SNX29: variants seen among roughly 807,000 people sequenced by gnomAD.
SNX29 encodes sorting nexin-29.
Under a neutral mutation model 102.1 loss-of-function variants are expected in SNX29, and 78 were observed. That is an observed-to-expected ratio of 0.76 (90% CI 0.64 to 0.92). The LOEUF is 0.92. SNX29 is among the 40% of genes least tolerant of loss of function. SNX29 has a pLI of 0.00. For synonymous variants in SNX29, 580 were observed against 414.5 expected, an observed-to-expected ratio of 1.40 and a Z score of -4.85; for missense variants, 1,280 against 1,061.7, an observed-to-expected ratio of 1.21 and a Z score of -2.86.
At chr16:12,140,924 T>C (rs1377039142) in intron 13 of SNX29, among the ~76,000 whole-genome samples, 1 of 152,166 alleles carries the variant, frequency 6.6e-6, no homozygotes, top group Non-Finnish European at 1.5e-5. Flanking sequence ...AACCTACTTA[T>C]ACAAGTAATT....
intron 18 of SNX29, among the ~76,000 whole-genome samples, chr16:12,432,276 A>G (rs1036066228): frequency 6.6e-6 from 1 of 152,212 alleles, no homozygotes; most frequent in Non-Finnish European, 1.5e-5. Context: ...GGCTGTTTGT[A>G]TATCTTGTAT....
intron 20 of SNX29, among the ~76,000 whole-genome samples, chr16:12,537,796 C>T (rs143824658): frequency 1.1e-4 from 16 of 152,108 alleles, no homozygotes; most frequent in East Asian, 1.9e-4. Context: ...AAAATATCTC[C>T]TATATCAGAG....
intron 19 of SNX29, among the ~76,000 whole-genome samples, chr16:12,509,862 C>T (rs1054195542): frequency 7.2e-5 from 11 of 152,242 alleles, no homozygotes; most frequent in Non-Finnish European, 1.3e-4. Flanking sequence ...CTCTAAAGCC[C>T]TGTATTTATT....
At chr16:12,265,071 C>G (rs778939047) in intron 14 of SNX29, among the ~76,000 whole-genome samples, 1 of 152,176 alleles carries the variant, frequency 6.6e-6, no homozygotes, top group Non-Finnish European at 1.5e-5. Flanking sequence ...TTGGGGTGAT[C>G]CATGATACCC....
chr16:12,355,606 A>T (rs1358484103), intron 15 of SNX29, among the ~76,000 whole-genome samples: 1 of 152,100 alleles, frequency 6.6e-6, no homozygotes, highest in Non-Finnish European at 1.5e-5. Flanking sequence ...GGCTTAAGTA[A>T]ATTATAGTTG....
chr16:12,201,918 C>T (rs1229339548), intron 14 of SNX29, among the ~76,000 whole-genome samples: 1 of 152,076 alleles, frequency 6.6e-6, no homozygotes, highest in East Asian at 1.9e-4. Flanking sequence ...TTCCATATGC[C>T]CATTCTCCCC....
chr16:12,202,395 C>T (rs756733622), intron 14 of SNX29, among the ~76,000 whole-genome samples: 67 of 152,294 alleles, frequency 4.4e-4, no homozygotes, highest in Non-Finnish European at 8.8e-4. Context: ...ATTTGCCTCT[C>T]AAGTGCTGTT....
intron 19 of SNX29, among the ~76,000 whole-genome samples, chr16:12,485,590 A>G (rs766436491): frequency 6.6e-5 from 10 of 152,210 alleles, no homozygotes; most frequent in Admixed American, 2.0e-4. Flanking sequence ...TTGGAAACAC[A>G]GCCCTCGAGA....
intron 14 of SNX29, among the ~76,000 whole-genome samples, chr16:12,253,374 G>A (rs942227417): frequency 6.6e-6 from 1 of 152,220 alleles, no homozygotes; most frequent in African/African-American, 2.4e-5. Context: ...TCTAGTTAGG[G>A]GGAGACAGAA....
chr16:12,292,648 G>A (rs988734771), intron 15 of SNX29, among the ~76,000 whole-genome samples: 11 of 152,202 alleles, frequency 7.2e-5, no homozygotes, highest in Non-Finnish European at 1.5e-5. Context: ...TAGCAGTTTG[G>A]CTTGGAAGAC....
At chr16:12,021,953 A>G (rs1483020625) in intron 3 of SNX29, among the ~76,000 whole-genome samples, 1 of 151,896 alleles carries the variant, frequency 6.6e-6, no homozygotes, top group Admixed American at 6.6e-5. Context: ...CTTCACAGAA[A>G]ACTAGTTGAG....
At chr16:12,184,326 T>C (rs1409655083) in intron 13 of SNX29, among the ~76,000 whole-genome samples, 2 of 152,226 alleles carry the variant, frequency 1.3e-5, no homozygotes, top group African/African-American at 4.8e-5. Flanking sequence ...CAGCTGGATG[T>C]CATCAGATGG....
chr16:12,401,530 A>AT (rs1351304388), intron 17 of SNX29, among the ~76,000 whole-genome samples: 10 of 151,180 alleles, frequency 6.6e-5, no homozygotes, highest in African/African-American at 2.4e-4. Flanking sequence ...TGCCCAGCTA[A>AT]TTTTTGTATT....
intron 20 of SNX29, among the ~76,000 whole-genome samples, chr16:12,559,695 C>G (rs986183557): frequency 3.3e-5 from 5 of 152,078 alleles, no homozygotes; most frequent in African/African-American, 4.8e-5. Flanking sequence ...ACTTCTCGAG[C>G]TTCCCATCTC....
chr16:12,441,678 A>G (rs1028492778), intron 18 of SNX29, among the ~76,000 whole-genome samples: 3 of 152,188 alleles, frequency 2.0e-5, no homozygotes, highest in African/African-American at 4.8e-5. Context: ...TTCTGATATC[A>G]TGTCTAAGAA....
chr16:12,483,117 T>TTTTG (rs2088036555), intron 19 of SNX29, among the ~76,000 whole-genome samples: 1 of 99,064 alleles, frequency 1.0e-5, no homozygotes, highest in African/African-American at 5.1e-5. Context: ...TTATTAAGTT[T>TTTTG]TTTTTTTTTT....
intron 8 of SNX29, chr16:12,052,879 C>A (rs1003609196): frequency 1.3e-5 from 2 of 153,756 alleles, no homozygotes; most frequent in African/African-American, 4.8e-5. Flanking sequence ...ATCTGACTTG[C>A]CACTAGCACA....
Position 12,403,511 on chromosome 16 carries a change from T to C in SNX29, c.2019T>C (p.Asn673=). ...PSVFLRGKAA[N]AFHVYQVYIR... is the part of the protein sequence containing the mutation. ...TGTTTCTCCGGGGCAAAGCAGCAAA[T>C]GCATTCCACGTGTATCAGGTGAGTG... Residue 673 remains asparagine, a synonymous_variant, in exon 18 of 21, where the codon AAT becomes AAC. Transcript: ENST00000566228. The C allele has an allele frequency of 1.2e-6, 2 of 1,607,562 alleles. No individual in the cohort carries two copies. Among genetic ancestry groups the C allele is most frequent in the Non-Finnish European group, 1.7e-6 (2 of 1,176,972 alleles).
rs1389579749 is a variant in SNX29, at chr16:12,569,496, G to A, written c.*867G>A. On this transcript the variant is annotated 3_prime_UTR_variant, in exon 21 of 21. Coordinates refer to ENST00000566228, the MANE Select transcript of SNX29 (RefSeq NM_032167.5). The stretch of plus-strand genomic sequence containing the variant: ...CAGGGAACCACTGCAGAAGGTTCCA[G>A]GGTTTTCAAACCAGGCTCCATGACT... The A allele has an allele frequency of 8.6e-6, 2 of 231,590 alleles. No homozygotes were observed. Among genetic ancestry groups the A allele is most frequent in the Non-Finnish European group, 1.7e-5 (2 of 117,100 alleles). The allele number at this position is 231,590 out of a possible 1,614,324, so 14.3% of individuals were successfully genotyped here. A position where few individuals can be genotyped will look rare whatever the true frequency, so the allele number is the denominator to read the frequency against.
Sources: gnomAD v4.1 joint callset for allele counts (sites outside exome capture counted in the v4.1 genomes callset) on GRCh38, gnomAD v4.1.1 for gene constraint, MANE v1.5 for transcripts, NCBI Gene and HGNC (gene_info 2026-07-23, HGNC 2026-07-21) for gene names.